The following KCNU1 variants were observed in gnomAD, a reference collection of about 807,000 sequenced individuals.
The protein encoded by KCNU1 is potassium channel subfamily U member 1.
In KCNU1, 93 loss-of-function variants were observed where a neutral mutation model predicts 126.8. That is an observed-to-expected ratio of 0.73 (90% CI 0.62 to 0.87). The LOEUF (loss-of-function observed/expected upper bound fraction) is 0.87. Ranked by LOEUF, KCNU1 falls within the 40% of genes least tolerant of loss-of-function variation. KCNU1 has a pLI of 0.00. For synonymous variants in KCNU1, 523 were observed against 494.2 expected (o/e 1.06, Z -0.77); for missense variants, 1,330 against 1,367.1 (o/e 0.97, Z 0.43).
intron 19 of KCNU1, among the ~76,000 whole-genome samples, chr8:36,866,685 AT>A (rs1563304415): frequency 2.6e-5 from 4 of 152,134 alleles, no homozygotes; most frequent in Admixed American, 6.6e-5. Context: ...ACCATGCTTG[AT>A]GCTTTTGTAA....
chr8:36,834,850 A>G lies in KCNU1; in HGVS notation c.1277A>G (p.Asp426Gly). The G allele has an allele frequency of 6.2e-7, 1 of 1,610,468 alleles. No individual in the cohort carries two copies. The highest frequency in any genetic ancestry group is 1.1e-5 in the South Asian group (1 of 90,540). Residue 426 changes from aspartate to glycine, a missense_variant, in exon 12 of 27, where the codon GAT becomes GGT. Asp to Gly is a moderately conservative substitution (Grantham distance 94, BLOSUM62 -1). Transcript: ENST00000399881. ...TTGTGCAGTGATTCCCATGCTGAAG[A>G]TATTTCCAACATTATGAGGTAAGAA... is the stretch of plus-strand genomic sequence containing the variant. Reference protein sequence around the residue: ...NPLCSDSHAEDISNIMRVLSI... With the variant: ...NPLCSDSHAEGISNIMRVLSI...
At chr8:36,853,098 C>T (rs1166399601) in intron 18 of KCNU1, among the ~76,000 whole-genome samples, 1 of 152,126 alleles carries the variant, frequency 6.6e-6, no homozygotes, top group African/African-American at 2.4e-5. Context: ...ACCTGTAATG[C>T]CAGCATTATG....
chr8:36,879,691 A>C (rs2117392493), intron 19 of KCNU1, among the ~76,000 whole-genome samples: 1 of 152,292 alleles, frequency 6.6e-6, no homozygotes, highest in Middle Eastern at 3.4e-3. Context: ...TGTAGGAATA[A>C]GAAAAAAATT....
chr8:36,890,980 A>G (rs1249490141), intron 19 of KCNU1, among the ~76,000 whole-genome samples: 1 of 151,732 alleles, frequency 6.6e-6, no homozygotes, highest in Non-Finnish European at 1.5e-5. Flanking sequence ...TGAAATACAT[A>G]TTTTATGAAT....
At chr8:36,818,294 AT>A (rs1465801083) in intron 10 of KCNU1, among the ~76,000 whole-genome samples, 2 of 152,140 alleles carry the variant, frequency 1.3e-5, no homozygotes, top group Non-Finnish European at 2.9e-5. Context: ...GTAATTTTCA[AT>A]TTGGTAAGAT....
chr8:36,887,169 T>A (rs541213965), intron 19 of KCNU1, among the ~76,000 whole-genome samples: 7 of 152,188 alleles, frequency 4.6e-5, no homozygotes, highest in Non-Finnish European at 4.4e-5. Context: ...TACCCAGCAG[T>A]GGGATTGCTG....
chr8:36,921,428 A>AC (rs1450568672), intron 23 of KCNU1, among the ~76,000 whole-genome samples: 1 of 152,044 alleles, frequency 6.6e-6, no homozygotes, highest in African/African-American at 2.4e-5. Context: ...GATTCTAGAA[A>AC]CAAACTTTGG....
chr8:36,819,261 C>A (rs1466178474), intron 10 of KCNU1, among the ~76,000 whole-genome samples: 6 of 152,018 alleles, frequency 3.9e-5, no homozygotes, highest in African/African-American at 1.5e-4. Context: ...GTTATGAAGG[C>A]CCCTCAAGCT....
intron 2 of KCNU1, among the ~76,000 whole-genome samples, chr8:36,788,065 C>G (rs1042819619): frequency 6.6e-6 from 1 of 151,884 alleles, no homozygotes; most frequent in African/African-American, 2.4e-5. Context: ...TAGCTAGTTT[C>G]CTCTCCTTTG....
rs76549500 is a variant in KCNU1, at chr8:36,838,325, A to T, written c.1518+1380A>T. On this transcript the variant is annotated intron_variant, in intron 14 of 26. Transcript: ENST00000399881. ...GAAATAAATGGAATGTGAACTCTAT[A>T]TGAAGACTTATCCTCCTTCATGAAA... 2.5e-3 allele frequency among the ~76,000 whole-genome samples: 384 copies of T among 152,374 alleles called. 3 individuals carry two copies. The highest frequency in any genetic ancestry group is 8.9e-3 in the African/African-American group (369 of 41,588).
At chr8:36,897,174 C>CTGTG (rs150557346) in intron 19 of KCNU1, among the ~76,000 whole-genome samples, 1 of 151,076 alleles carries the variant, frequency 6.6e-6, no homozygotes, top group African/African-American at 2.4e-5. Flanking sequence ...TTGCCAAAAG[C>CTGTG]TGTGTGTGTG....
intron 19 of KCNU1, chr8:36,888,652 G>A (rs200481637): frequency 5.6e-6 from 3 of 534,268 alleles, no homozygotes; most frequent in African/African-American, 1.9e-5. Flanking sequence ...AAAGTACTGA[G>A]GATGAAGTTA....
chr8:36,825,178 A>G (rs796628755), intron 10 of KCNU1, among the ~76,000 whole-genome samples: 29 of 152,218 alleles, frequency 1.9e-4, no homozygotes, highest in African/African-American at 7.0e-4. Context: ...TGTGGGTAGT[A>G]CTTTATTAAG....
chr8:36,833,266 T>C (rs998034427), intron 10 of KCNU1, among the ~76,000 whole-genome samples: 4 of 152,158 alleles, frequency 2.6e-5, no homozygotes, highest in Admixed American at 2.6e-4. Context: ...CAATTTCTCC[T>C]TCTAATTTTT....
intron 16 of KCNU1, among the ~76,000 whole-genome samples, chr8:36,844,486 T>G (rs1008740054): frequency 6.6e-6 from 1 of 152,214 alleles, no homozygotes; most frequent in African/African-American, 2.4e-5. Context: ...TGTATTTTCC[T>G]TCCAAAGTTA....
Position 36,932,955 on chromosome 8 carries a change from A to G in KCNU1, c.2967A>G (p.Ser989=). The part of the protein sequence containing the change: ...RNTFGQLFCG[S]LDLFGILCVG... ...CCTTTGGACAACTGTTCTGTGGCTCATTAGATCTTTTTGGAATCCTGTGTG... is the reference window on the plus strand; with the variant it reads ...CCTTTGGACAACTGTTCTGTGGCTCGTTAGATCTTTTTGGAATCCTGTGTG... The change falls in exon 26 of 27, where the codon TCA becomes TCG. Residue 989 remains serine (S), a synonymous_variant. Transcript: ENST00000399881. The G allele has an allele frequency of 3.2e-6, 5 of 1,576,582 alleles. No homozygotes were observed. The highest frequency in any genetic ancestry group is 3.5e-6 in the Non-Finnish European group (4 of 1,159,316).
At chr8:36,907,626 G>A (rs540014068) in intron 20 of KCNU1, among the ~76,000 whole-genome samples, 4 of 152,264 alleles carry the variant, frequency 2.6e-5, no homozygotes, top group African/African-American at 9.6e-5. Context: ...GTATTTCCCA[G>A]TATATGCTAA....
chr8:36,788,458 A>T (rs1038939012), intron 2 of KCNU1, among the ~76,000 whole-genome samples: 2 of 152,168 alleles, frequency 1.3e-5, no homozygotes, highest in Non-Finnish European at 2.9e-5. Context: ...GAAAAGATGA[A>T]ATTTGTAATT....
At chr8:36,831,289 G>T (rs1326061256) in intron 10 of KCNU1, among the ~76,000 whole-genome samples, 1 of 152,194 alleles carries the variant, frequency 6.6e-6, no homozygotes, top group Middle Eastern at 3.4e-3. Flanking sequence ...TGGGATGGTT[G>T]GGTCAAGTGG....
Sources: allele counts gnomAD v4.1 joint callset (sites outside exome capture counted in the v4.1 genomes callset), GRCh38; gene constraint gnomAD v4.1.1; transcripts MANE v1.5; gene names NCBI Gene and HGNC (gene_info 2026-07-23, HGNC 2026-07-21).